Variants in CABYR observed in about 807,000 individuals in gnomAD.
CABYR encodes calcium-binding tyrosine phosphorylation-regulated protein.
Under a neutral mutation model 36.1 loss-of-function variants are expected in CABYR, and 31 were observed. The ratio of observed to expected loss-of-function variants is 0.86; its 90% CI spans 0.64 to 1.16. CABYR has a LOEUF of 1.16. Among genes scored for constraint, CABYR ranks in the 50% most tolerant of loss-of-function variants. The pLI is 0.00. For synonymous variants in CABYR, 146 were observed against 160.7 expected (o/e 0.91, Z 0.69); for missense variants, 429 against 455.8 (o/e 0.94, Z 0.53).
chr18:24,149,556 C>G (rs2085557510), intron 3 of CABYR, among the ~76,000 whole-genome samples: 1 of 152,260 alleles, frequency 6.6e-6, no homozygotes, highest in Admixed American at 6.5e-5. Context: ...TGCGCCTGCA[C>G]TCCTCAGCCC....
intron 3 of CABYR, among the ~76,000 whole-genome samples, chr18:24,153,625 C>T (rs1394047842): frequency 6.6e-6 from 1 of 152,140 alleles, no homozygotes; most frequent in Non-Finnish European, 1.5e-5. Flanking sequence ...GCTGGTTCCT[C>T]TTTTGAAATC....
chr18:24,154,903 C>G (rs2085735077), intron 3 of CABYR, among the ~76,000 whole-genome samples: 1 of 152,166 alleles, frequency 6.6e-6, no homozygotes, highest in Non-Finnish European at 1.5e-5. Context: ...AGATATCTTT[C>G]TTTTCCTCTT....
intron 4 of CABYR, chr18:24,156,594 C>T: frequency 1.9e-6 from 3 of 1,614,186 alleles, no homozygotes; most frequent in Non-Finnish European, 2.5e-6. Context: ...GTCTGTAAAA[C>T]TTGCACAGTT....
chr18:24,160,082 T>C lies in CABYR; in HGVS notation c.1139+13T>C. On this transcript the variant is annotated intron_variant, in intron 5 of 5. Coordinates refer to ENST00000399496, the MANE Select transcript of CABYR (RefSeq NM_153769.3). ...AAACTGAAAACTGGTAGGTACACTT[T>C]CCTACCATAATATTTAGGCCTTAAC... is the stretch of plus-strand genomic sequence containing the variant. 7 of 1,557,348 alleles carry C rather than the reference T, an allele frequency of 4.5e-6. No homozygotes were observed. The highest frequency in any genetic ancestry group is 4.4e-6 in the Non-Finnish European group (5 of 1,134,934).
At position 24,155,948 on chromosome 18, in the gene CABYR, T is replaced by C; in HGVS notation, c.447T>C (p.Thr149=). The C allele has an allele frequency of 6.2e-7, 1 of 1,614,128 alleles. No homozygotes were observed. The highest frequency in any genetic ancestry group is 8.5e-7 in the Non-Finnish European group (1 of 1,180,030). Residue 149 remains threonine, a synonymous_variant, in exon 4 of 6, where the codon ACT becomes ACC. Transcript: ENST00000399496. ...CTTCCAAACCAGCCACCCCTAAGAC[T>C]ACTACCCCACCCTCATCACCACCTC... ...GLSSKPATPK[T]TTPPSSPPPT...
intron 3 of CABYR, among the ~76,000 whole-genome samples, chr18:24,151,687 CTT>C (rs35513415): frequency 5.6e-5 from 7 of 123,914 alleles, no homozygotes; most frequent in Admixed American, 8.8e-5. Context: ...CTAGTGTTGG[CTT>C]TTTTTTTTTT....
chr18:24,156,309 C>G, intron 4 of CABYR: 1 of 1,614,194 alleles, frequency 6.2e-7, no homozygotes. Flanking sequence ...TGAACAAGAA[C>G]CTCCTGCTTA....
rs552158197 is a variant in CABYR at position 24,143,344 on chromosome 18, G to C, written c.146-16G>C. 6.3e-7 allele frequency: 1 copy of C among 1,594,048 alleles called. No homozygotes were observed. The highest frequency in any genetic ancestry group is 1.7e-5 in the Admixed American group (1 of 57,726). ...TTCATGTATCTGTATTTGATTTCCT[G>C]TATTGATTCCTTCAGGGAATACTAC... On this transcript the variant is annotated splice_polypyrimidine_tract_variant and intron_variant, in intron 2 of 5. Transcript: ENST00000399496.
chr18:24,150,606 C>T, intron 3 of CABYR: 1 of 978,190 alleles, frequency 1.0e-6, no homozygotes, highest in African/African-American at 1.7e-5. Context: ...AGGGGAGAAA[C>T]TAAACCACCT....
intron 1 of CABYR, among the ~76,000 whole-genome samples, chr18:24,142,734 G>A (rs4800550): frequency 0.46 from 70,438 of 151,508 alleles, 19,692 homozygotes; most frequent in Non-Finnish European, 0.63. Context: ...ATTTTAATAG[G>A]AGATAGTTTA....
intron 4 of CABYR, chr18:24,156,907 G>A: frequency 6.2e-7 from 1 of 1,614,110 alleles, no homozygotes; most frequent in South Asian, 1.1e-5. Flanking sequence ...AAGTCATCTA[G>A]TGGCCCCTTC....
At chr18:24,158,655 T>C (rs2085861885) in intron 4 of CABYR, among the ~76,000 whole-genome samples, 1 of 152,154 alleles carries the variant, frequency 6.6e-6, no homozygotes, top group African/African-American at 2.4e-5. Flanking sequence ...GAAAAAAGGC[T>C]GCACCGGGGA....
chr18:24,161,100 T>G (rs1299030638), intron 5 of CABYR, among the ~76,000 whole-genome samples: 1 of 151,848 alleles, frequency 6.6e-6, no homozygotes, highest in Non-Finnish European at 1.5e-5. Flanking sequence ...AAGGGGGAGG[T>G]CAACAGAGGA....
intron 3 of CABYR, among the ~76,000 whole-genome samples, chr18:24,151,497 G>T (rs1173496041): frequency 6.6e-6 from 1 of 152,184 alleles, no homozygotes; most frequent in Non-Finnish European, 1.5e-5. Flanking sequence ...TTACAAGTCA[G>T]CGACTGTTGT....
chr18:24,151,835 A>G (rs1303423129), intron 3 of CABYR, among the ~76,000 whole-genome samples: 1 of 152,064 alleles, frequency 6.6e-6, no homozygotes, highest in Non-Finnish European at 1.5e-5. Context: ...GATTACAGGC[A>G]TGTGCCACTG....
At chr18:24,146,819 A>G (rs1223810129) in intron 3 of CABYR, among the ~76,000 whole-genome samples, 1 of 152,204 alleles carries the variant, frequency 6.6e-6, no homozygotes, top group Admixed American at 6.5e-5. Context: ...TGATTTCTTA[A>G]TAGAAACCAT....
intron 3 of CABYR, among the ~76,000 whole-genome samples, chr18:24,153,241 G>A (rs1038915896): frequency 3.3e-5 from 5 of 151,656 alleles, no homozygotes; most frequent in Non-Finnish European, 7.4e-5. Flanking sequence ...GTGCACCTGG[G>A]CTTTGGACAC....
At chr18:24,142,965 G>A (rs201370050) in intron 1 of CABYR, 126 bp from the exon 2 acceptor site, 159 of 546,978 alleles carry the variant, frequency 2.9e-4, no homozygotes, top group South Asian at 4.1e-4. Flanking sequence ...CCTGGGAGGC[G>A]GAGGTTGCAG....
intron 1 of CABYR, among the ~76,000 whole-genome samples, 161 bp from the exon 2 acceptor site, chr18:24,142,930 C>G (rs576612344): frequency 2.0e-5 from 3 of 149,508 alleles, no homozygotes; most frequent in African/African-American, 7.4e-5. Flanking sequence ...CTACTCAGGA[C>G]GCTGAGGCTG....
Sources: gnomAD v4.1 joint callset for allele counts (sites outside exome capture counted in the v4.1 genomes callset) on GRCh38, gnomAD v4.1.1 for gene constraint, MANE v1.5 for transcripts, NCBI Gene and HGNC (gene_info 2026-07-23, HGNC 2026-07-21) for gene names.